KDM1A: variants seen among roughly 807,000 people sequenced by gnomAD.
The protein encoded by KDM1A is lysine-specific histone demethylase 1A.
Under a neutral mutation model 109.4 loss-of-function variants are expected in KDM1A, and 49 were observed. The ratio of observed to expected loss-of-function variants is 0.45; its 90% CI spans 0.36 to 0.57. The LOEUF (loss-of-function observed/expected upper bound fraction) is 0.57, where lower values mean the gene tolerates loss of function less well. KDM1A is among the 20% of genes least tolerant of loss of function. KDM1A has a pLI of 0.00. For missense variants in KDM1A, 668 were observed against 1,116.6 expected (o/e 0.60, Z 5.73); for synonymous variants, 380 against 415.4 (o/e 0.91, Z 1.04).
chr1:23,073,764 G>T (rs1465160189), intron 15 of KDM1A, among the ~76,000 whole-genome samples: 1 of 152,164 alleles, frequency 6.6e-6, no homozygotes, highest in Non-Finnish European at 1.5e-5. Flanking sequence ...AGCTTTTTGT[G>T]TGTGATATAT....
At chr1:23,071,901 G>C (rs999936750) in intron 13 of KDM1A, among the ~76,000 whole-genome samples, 1 of 152,058 alleles carries the variant, frequency 6.6e-6, no homozygotes, top group Non-Finnish European at 1.5e-5. Context: ...ATTTTCTCCT[G>C]TGTGCTCCTT....
Position 23,019,840 on chromosome 1 carries a change from G to A in KDM1A, c.244G>A (p.Gly82Arg). The A allele has an allele frequency of 6.8e-7, 1 of 1,460,370 alleles. No homozygotes were observed. Among genetic ancestry groups the A allele is most frequent in the South Asian group, 1.4e-5 (1 of 72,648 alleles). 90.5% of individuals were successfully genotyped at this position (1,460,370 alleles called of 1,614,324 possible). ...CCTGGCGGAACCGCCGGGGTCCGCAGGGCCTCAGGCCGGCCCTACTGTCGT... is the reference window on the plus strand; with the variant it reads ...CCTGGCGGAACCGCCGGGGTCCGCAAGGCCTCAGGCCGGCCCTACTGTCGT... ...GGLAEPPGSA[G>R]PQAGPTVVPG... Residue 82 changes from glycine (G) to arginine (R), a missense_variant, in exon 1 of 21, where the codon GGG becomes AGG. Physicochemically the swap from Gly to Arg is moderately radical, Grantham distance 125. This residue lies in a region of KDM1A where 156 missense variants were observed against 163.4 expected (regional missense o/e 0.95). Coordinates refer to ENST00000400181, the MANE Select transcript of KDM1A (RefSeq NM_001009999.3).
At chr1:23,029,461 T>C (rs1028470778) in intron 1 of KDM1A, among the ~76,000 whole-genome samples, 5 of 152,166 alleles carry the variant, frequency 3.3e-5, no homozygotes, top group Non-Finnish European at 4.4e-5. Flanking sequence ...ACATTTTGGC[T>C]AACCAATCCA....
At chr1:23,024,916 G>A (rs1264464335) in intron 1 of KDM1A, among the ~76,000 whole-genome samples, 1 of 152,200 alleles carries the variant, frequency 6.6e-6, no homozygotes, top group Non-Finnish European at 1.5e-5. Context: ...TGGAGAAAAG[G>A]AAGTGGTTTG....
chr1:23,037,758 C>T (rs1042674509), intron 2 of KDM1A, among the ~76,000 whole-genome samples: 2 of 152,118 alleles, frequency 1.3e-5, no homozygotes, highest in Admixed American at 6.5e-5. Flanking sequence ...TGCTTTTGGT[C>T]GATAAGAACC....
intron 15 of KDM1A, 147 bp downstream of exon 15, chr1:23,073,550 G>A: frequency 1.7e-6 from 1 of 598,286 alleles, no homozygotes; most frequent in Non-Finnish European, 3.0e-6. Context: ...TAAGTGAACA[G>A]TTTATTGATT....
At chr1:23,072,854 G>A (rs1432615023) in intron 14 of KDM1A, among the ~76,000 whole-genome samples, 1 of 152,140 alleles carries the variant, frequency 6.6e-6, no homozygotes, top group Non-Finnish European at 1.5e-5. Flanking sequence ...TGGCCAGGCT[G>A]ATCTCGAACT....
chr1:23,047,363 C>G (rs1642531454), intron 3 of KDM1A, among the ~76,000 whole-genome samples: 1 of 152,078 alleles, frequency 6.6e-6, no homozygotes, highest in Admixed American at 6.5e-5. Context: ...AAAATGATAT[C>G]AGAGTATTGA....
At chr1:23,057,616 AAG>A (rs746996071) in intron 8 of KDM1A, 51 bp downstream of exon 8, 2 of 1,320,260 alleles carry the variant, frequency 1.5e-6, no homozygotes, top group Non-Finnish European at 2.2e-6. Context: ...AGACTCATAA[AAG>A]AAATTTAAAG....
intron 8 of KDM1A, chr1:23,057,956 T>C (rs1642884241): frequency 6.4e-6 from 1 of 156,500 alleles, no homozygotes; most frequent in Non-Finnish European, 1.4e-5. Flanking sequence ...TTTTTTGTAT[T>C]TTAGTAGAGG....
intron 9 of KDM1A, among the ~76,000 whole-genome samples, chr1:23,061,453 T>C (rs933048723): frequency 2.0e-5 from 3 of 152,218 alleles, no homozygotes; most frequent in Admixed American, 6.5e-5. Flanking sequence ...ATAGGATTTT[T>C]CTAAGTTGAT....
At chr1:23,075,856 A>G (rs2124531449) in intron 15 of KDM1A, among the ~76,000 whole-genome samples, 1 of 151,942 alleles carries the variant, frequency 6.6e-6, no homozygotes, top group African/African-American at 2.4e-5. Context: ...CTGAGGCAAG[A>G]GAATCGCTTG....
In KDM1A at chr1:23,060,918, T is replaced by C. The variant is rs1642981107; in HGVS notation, c.1167+1751T>C. ...GGAAGCAAGTCTCCAGAGTGGCTAT[T>C]ACCGTCCTCAAGAAGTGATAAGAGT... On this transcript the variant is annotated intron_variant, in intron 9 of 20. Transcript: ENST00000400181. Among the ~76,000 whole-genome samples the C allele has an allele frequency of 2.0e-5, 3 of 152,180 alleles. No homozygotes were observed. The South Asian group carries it at 6.2e-4, about 32-fold the overall frequency.
intron 13 of KDM1A, 60 bp downstream of exon 13, chr1:23,071,419 C>T: frequency 6.7e-7 from 1 of 1,502,842 alleles, no homozygotes; most frequent in Non-Finnish European, 8.9e-7. Context: ...TAGCACAGAT[C>T]TGGGGAATTT....
chr1:23,050,596 A>T (rs1642638545), intron 4 of KDM1A, 76 bp downstream of exon 4: 1 of 1,222,236 alleles, frequency 8.2e-7, no homozygotes, highest in Non-Finnish European at 1.1e-6. Context: ...TGGGAAAAAT[A>T]AAAAGAGAAG....
intron 2 of KDM1A, among the ~76,000 whole-genome samples, chr1:23,036,624 A>G (rs1482193736): frequency 6.6e-6 from 1 of 152,130 alleles, no homozygotes; most frequent in Non-Finnish European, 1.5e-5. Context: ...TGAATGGATC[A>G]AGATAAATAC....
intron 2 of KDM1A, among the ~76,000 whole-genome samples, chr1:23,035,558 A>G (rs1642119664): frequency 1.3e-5 from 2 of 152,178 alleles, no homozygotes; most frequent in African/African-American, 4.8e-5. Flanking sequence ...AAGATAAGAA[A>G]TTTTGTGTGG....
At chr1:23,055,884 A>G (rs772223137) in intron 6 of KDM1A, 48 bp from the exon 7 acceptor site, 1 of 1,330,996 alleles carries the variant, frequency 7.5e-7, no homozygotes, top group Non-Finnish European at 1.1e-6. Context: ...TGTAAGTACA[A>G]ACTTTTATAC....
chr1:23,023,043 G>A (rs493155), intron 1 of KDM1A, among the ~76,000 whole-genome samples: 1,911 of 152,242 alleles, frequency 0.013, 53 homozygotes, highest in African/African-American at 0.043. Flanking sequence ...TTGTGGTTTT[G>A]ATATGCAGTT....
Sources: gnomAD v4.1 joint callset for allele counts (sites outside exome capture counted in the v4.1 genomes callset) on GRCh38, gnomAD v4.1.1 for gene constraint, gnomAD v4.1.1 regional missense constraint, MANE v1.5 for transcripts, NCBI Gene and HGNC (gene_info 2026-07-23, HGNC 2026-07-21) for gene names.